Variants in IQCF5 observed in about 807,000 individuals in gnomAD.
The protein encoded by IQCF5 is IQ motif containing F5, also known as IQ domain-containing protein F5.
A neutral mutation model predicts 3.4 loss-of-function variants in IQCF5; 2 were observed. The observed-to-expected ratio is 0.58, with a 90% CI of 0.24 to 1.84. The LOEUF is 1.84. IQCF5 is among the 40% of genes most tolerant of loss of function. The pLI, the probability that IQCF5 is intolerant of heterozygous loss-of-function variation, is 0.17. For synonymous variants in IQCF5, 58 were observed against 64.7 expected (o/e 0.90, Z 0.49); for missense variants, 167 against 191.6 (o/e 0.87, Z 0.76).
At chr3:51,875,246 C>A in intron 1 of IQCF5, 1 of 497,318 alleles carries the variant, frequency 2.0e-6, no homozygotes, top group South Asian at 2.4e-5. Context: ...TTTAAAACAG[C>A]TTGCCATCCT....
At chr3:51,874,441 G>T (rs1204404223) in intron 1 of IQCF5, 2 of 638,982 alleles carry the variant, frequency 3.1e-6, no homozygotes, top group East Asian at 6.4e-5. Flanking sequence ...TTGCTGGCCA[G>T]TCTAGAGCAA....
At chr3:51,875,365 G>A in intron 1 of IQCF5, 163 bp downstream of exon 1, 1 of 759,304 alleles carries the variant, frequency 1.3e-6, no homozygotes, top group Non-Finnish European at 2.3e-6. Context: ...CAGCTTCCTG[G>A]CTTTCTCTAG....
chr3:51,874,934 G>A (rs547485476), intron 1 of IQCF5: 1 of 172,104 alleles, frequency 5.8e-6, no homozygotes, highest in Admixed American at 5.5e-5. Flanking sequence ...TTTCACCCCA[G>A]TTTTTCTGGA....
chr3:51,875,489 G>T (rs1698786313), intron 1 of IQCF5, 39 bp downstream of exon 1: 1 of 1,551,160 alleles, frequency 6.4e-7, no homozygotes, highest in South Asian at 1.2e-5. Flanking sequence ...CTGGGGACAG[G>T]TCGTAAAATT....
chr3:51,873,791 G>A lies in IQCF5; in HGVS notation c.389C>T (p.Ser130Phe), dbSNP rs1411045338. 2.6e-6 allele frequency: 4 copies of A among 1,551,762 alleles called. No individual in the cohort carries two copies. Among genetic ancestry groups the A allele is most frequent in the Admixed American group, 3.9e-5 (2 of 51,014 alleles). ...ENQLNIQLEI[S>F]LGLQACKVQQ... The stretch of plus-strand genomic sequence containing the variant: ...CACCTTACAAGCCTGTAAGCCCAAA[G>A]AGATTTCAAGTTGAATATTAAGTTG... Residue 130 changes from serine (S) to phenylalanine (F), a missense_variant, in exon 2 of 2, where the codon TCT becomes TTT. By Grantham distance (155) the Ser-to-Phe change is radical (BLOSUM62 -2). Transcript: ENST00000446461.
At position 51,873,964 on chromosome 3, in the gene IQCF5, G is replaced by C. The variant is rs1305543474; in HGVS notation, c.216C>G (p.Val72=). 1.9e-6 allele frequency: 3 copies of C among 1,551,892 alleles called. No homozygotes were observed. The highest frequency in any genetic ancestry group is 1.4e-5 in the African/African-American group (1 of 73,056). Residue 72 remains valine, a synonymous_variant, in exon 2 of 2, where the codon GTC becomes GTG. Transcript: ENST00000446461. ...EFYVQQEWAA[V]RLQSWVRMWC... ...ACATGCGGACCCAGGACTGCAGCCTGACTGCTGCCCATTCCTGCTGCACAT... is the reference window on the plus strand; with the variant it reads ...ACATGCGGACCCAGGACTGCAGCCTCACTGCTGCCCATTCCTGCTGCACAT...
At chr3:51,874,424 A>G in intron 1 of IQCF5, 1 of 660,406 alleles carries the variant, frequency 1.5e-6, no homozygotes, top group South Asian at 1.5e-5. Context: ...TCCATTTTCC[A>G]TGGACCTTGC....
rs1559730395 is a variant in IQCF5, at chr3:51,874,152, T to TC, written c.27dup (p.Thr10AspfsTer104). 6.4e-7 allele frequency: 1 copy of TC among 1,551,544 alleles called. No individual in the cohort carries two copies. Among genetic ancestry groups the TC allele is most frequent in the Admixed American group, 2.0e-5 (1 of 50,996 alleles). On this transcript the variant is annotated frameshift_variant, in exon 2 of 2. Coordinates refer to ENST00000446461, the MANE Select transcript of IQCF5 (RefSeq NM_001145059.2). LOFTEE classifies it low-confidence loss of function (END_TRUNC). ...ATGAAAACAGCTGCAGACCTTTCTG[T>TC]CATGATGGTCTTCTCTTCTGGGCCT...
At position 51,874,180 on chromosome 3, in the gene IQCF5, C is replaced by A; in HGVS notation, c.5-5G>T. The A allele has an allele frequency of 6.5e-7, 1 of 1,548,274 alleles. No homozygotes were observed. ...TGATGGTCTTCTCTTCTGGGCCTTACAAGAGAAAACAGACACACTCAGGGT... is the reference window on the plus strand; with the variant it reads ...TGATGGTCTTCTCTTCTGGGCCTTAAAAGAGAAAACAGACACACTCAGGGT... On this transcript the variant is annotated splice_region_variant and splice_polypyrimidine_tract_variant and intron_variant, in intron 1 of 1. Coordinates refer to ENST00000446461, the MANE Select transcript of IQCF5 (RefSeq NM_001145059.2).
intron 1 of IQCF5, 79 bp from the exon 2 acceptor site, chr3:51,874,254 A>G: frequency 7.1e-7 from 1 of 1,409,260 alleles, no homozygotes; most frequent in African/African-American, 1.4e-5. Context: ...TCCTTCCTCT[A>G]AAGTTCAGCA....
At position 51,874,298 on chromosome 3, in the gene IQCF5, G is replaced by A. The variant is rs951555532; in HGVS notation, c.5-123C>T. ...GGCAACAGCTGAACCCAGGAGACCA[G>A]GTAGGTGTCCCCCCTCTGCCACCCA... is the stretch of plus-strand genomic sequence containing the variant. On this transcript the variant is annotated intron_variant, in intron 1 of 1. Transcript: ENST00000446461. 1.9e-5 allele frequency: 18 copies of A among 970,420 alleles called. No individual in the cohort carries two copies. The African/African-American group carries it at 2.6e-4, about 14-fold the overall frequency. The allele number at this position is 970,420 out of a possible 1,614,324, so 60.1% of individuals were successfully genotyped here. A position where few individuals can be genotyped will look rare whatever the true frequency, so the allele number is the denominator to read the frequency against.
rs1434727908 is a variant in IQCF5, at chr3:51,874,048, C to G, written c.132G>C (p.Trp44Cys). Residue 44 changes from tryptophan to cysteine, a missense_variant, in exon 2 of 2, where the codon TGG (tryptophan) becomes TGC (cysteine). Transcript: ENST00000446461. ...GCAGCTTCTCCAGCACCTGCCTCCA[C>G]CAGCACTGAATGATCCAAGCCCTGA... ...AALRAWIIQCWWRQVLEKLLA... is the reference protein window; with the variant it reads ...AALRAWIIQCCWRQVLEKLLA... 1.1e-5 allele frequency: 17 copies of G among 1,553,412 alleles called. No homozygotes were observed. Among genetic ancestry groups the G allele is most frequent in the Non-Finnish European group, 1.5e-5 (17 of 1,147,872 alleles).
At chr3:51,874,887 C>T in intron 1 of IQCF5, 1 of 184,458 alleles carries the variant, frequency 5.4e-6, no homozygotes, top group Non-Finnish European at 1.2e-5. Context: ...CAAGAGACAG[C>T]CAGTCCCCAT....
At position 51,875,564 on chromosome 3, in the gene IQCF5, GC is replaced by G. The variant is rs1698787431; in HGVS notation, c.-34del. On this transcript the variant is annotated 5_prime_UTR_variant, in exon 1 of 2. Coordinates refer to ENST00000446461, the MANE Select transcript of IQCF5 (RefSeq NM_001145059.2). ...GGCTAGATGGTCCCATCACCCTCCG[GC>G]CCGCACTCCTCCGATCAGGACTCCA... The G allele has an allele frequency of 1.2e-5, 18 of 1,551,788 alleles. No homozygotes were observed. The highest frequency in any genetic ancestry group is 1.6e-5 in the Non-Finnish European group (18 of 1,146,992).
intron 1 of IQCF5, 91 bp from the exon 2 acceptor site, chr3:51,874,266 T>G: frequency 7.6e-7 from 1 of 1,318,050 alleles, no homozygotes; most frequent in Non-Finnish European, 1.1e-6. Context: ...AGTTCAGCAC[T>G]GGGCAGGGCA....
intron 1 of IQCF5, chr3:51,874,553 C>T (rs1698776768): frequency 4.8e-6 from 2 of 417,086 alleles, no homozygotes; most frequent in Non-Finnish European, 9.5e-6. Flanking sequence ...GTCCTTTGCT[C>T]CTCCTGCCCT....
rs1404879066 is a variant in IQCF5 at position 51,875,568 on chromosome 3, G to A, written c.-37C>T. On this transcript the variant is annotated 5_prime_UTR_variant, in exon 1 of 2. Coordinates refer to ENST00000446461, the MANE Select transcript of IQCF5 (RefSeq NM_001145059.2). ...AGATGGTCCCATCACCCTCCGGCCC[G>A]CACTCCTCCGATCAGGACTCCAACA... The A allele has an allele frequency of 1.4e-5, 21 of 1,551,522 alleles. No individual in the cohort carries two copies. Among genetic ancestry groups the A allele is most frequent in the South Asian group, 8.3e-5 (7 of 84,054 alleles).
In IQCF5 at chr3:51,873,933, C is replaced by T. The variant is rs1166231951; in HGVS notation, c.247G>A (p.Val83Ile). Residue 83 changes from valine to isoleucine, a missense_variant, in exon 2 of 2, where the codon GTC (valine) becomes ATC (isoleucine). By Grantham distance (29) the Val-to-Ile change is conservative (BLOSUM62 3). Transcript: ENST00000446461. Reference sequence around the variant, plus strand: ...AGCAAACGACAGTAACGCTGGCGGACACACCACATGCGGACCCAGGACTGC... The same window carrying T: ...AGCAAACGACAGTAACGCTGGCGGATACACCACATGCGGACCCAGGACTGC... ...RLQSWVRMWCVRQRYCRLLNA... is the reference protein window; with the variant it reads ...RLQSWVRMWCIRQRYCRLLNA... 5.2e-6 allele frequency: 8 copies of T among 1,551,872 alleles called. No homozygotes were observed. The East Asian group carries it at 2.0e-4, about 38-fold the overall frequency.
intron 1 of IQCF5, chr3:51,874,506 T>G: frequency 4.0e-6 from 2 of 501,442 alleles, no homozygotes; most frequent in Non-Finnish European, 7.8e-6. Flanking sequence ...TCCATGACTC[T>G]TCCCTTCAGA....
Sources: gnomAD v4.1 joint callset for allele counts on GRCh38, gnomAD v4.1.1 for gene constraint, MANE v1.5 for transcripts, NCBI Gene and HGNC (gene_info 2026-07-23, HGNC 2026-07-21) for gene names.